The following TUBGCP4 variants were observed in gnomAD, a reference collection of about 807,000 sequenced individuals.
TUBGCP4 encodes tubulin gamma complex component 4, also known as gamma-tubulin complex component 4.
Under a neutral mutation model 91.6 loss-of-function variants are expected in TUBGCP4, and 54 were observed. That is an observed-to-expected ratio of 0.59 (90% CI 0.47 to 0.74). The LOEUF (loss-of-function observed/expected upper bound fraction) is 0.74, where lower values mean the gene tolerates loss of function less well. Among genes scored for constraint, TUBGCP4 ranks in the 30% least tolerant of loss-of-function variants. The pLI is 0.00. For missense variants in TUBGCP4, 593 were observed against 800.9 expected, an observed-to-expected ratio of 0.74 and a Z score of 3.13; for synonymous variants, 297 against 302.8, an observed-to-expected ratio of 0.98 and a Z score of 0.20.
At chr15:43,377,526 C>G (rs893380555) in intron 4 of TUBGCP4, 1 of 299,494 alleles carries the variant, frequency 3.3e-6, no homozygotes, top group South Asian at 4.5e-5. Flanking sequence ...GGGAGGCTAA[C>G]GTTCTGAATC....
At chr15:43,381,735 A>G (rs962046009) in intron 6 of TUBGCP4, among the ~76,000 whole-genome samples, 1 of 152,146 alleles carries the variant, frequency 6.6e-6, no homozygotes, top group Non-Finnish European at 1.5e-5. Context: ...CTGTCTCAAA[A>G]CAAAAAACAA....
chr15:43,384,874 G>T (rs1167679986), intron 7 of TUBGCP4, among the ~76,000 whole-genome samples: 1 of 152,174 alleles, frequency 6.6e-6, no homozygotes, highest in Non-Finnish European at 1.5e-5. Flanking sequence ...GGAGACTTAG[G>T]TGAAAATAAT....
chr15:43,381,386 C>G (rs1216834530), intron 6 of TUBGCP4, among the ~76,000 whole-genome samples: 1 of 151,954 alleles, frequency 6.6e-6, no homozygotes, highest in South Asian at 2.1e-4. Flanking sequence ...CTTTTTCTCC[C>G]AACCTTTTAT....
At chr15:43,372,329 T>A (rs1314176901) in intron 1 of TUBGCP4, among the ~76,000 whole-genome samples, 1 of 152,190 alleles carries the variant, frequency 6.6e-6, no homozygotes, top group Non-Finnish European at 1.5e-5. Flanking sequence ...AAAAGTACAT[T>A]CTTAGTCTAT....
In TUBGCP4 at chr15:43,408,002, A is replaced by C; in HGVS notation, c.*2788A>C. ...AGAGGCTGCACCACCAGTCATGAGG[A>C]TCTCAGACCAGAGCTCCAGGAAGTT... On this transcript the variant is annotated 3_prime_UTR_variant, in exon 18 of 18. Coordinates refer to ENST00000564079, the MANE Select transcript of TUBGCP4 (RefSeq NM_014444.5). 6.2e-7 allele frequency: 1 copy of C among 1,614,106 alleles called. No individual in the cohort carries two copies. Among genetic ancestry groups the C allele is most frequent in the Non-Finnish European group, 8.5e-7 (1 of 1,180,014 alleles).
chr15:43,408,930 C>G lies in TUBGCP4; in HGVS notation c.*3716C>G. On this transcript the variant is annotated 3_prime_UTR_variant, in exon 18 of 18. Coordinates refer to ENST00000564079, the MANE Select transcript of TUBGCP4 (RefSeq NM_014444.5). The stretch of plus-strand genomic sequence containing the variant: ...AATTCTTTGCTCCTCAAGGCTGTAC[C>G]CAGCTGGCAACAGATAATTACGGTA... 1 of 1,614,106 alleles carries G rather than the reference C, an allele frequency of 6.2e-7. No individual in the cohort carries two copies. The highest frequency in any genetic ancestry group is 8.5e-7 in the Non-Finnish European group (1 of 1,180,020).
intron 13 of TUBGCP4, among the ~76,000 whole-genome samples, chr15:43,399,603 C>G (rs1244331303): frequency 6.6e-6 from 1 of 152,220 alleles, no homozygotes; most frequent in East Asian, 1.9e-4. Context: ...GCCTTGGCCT[C>G]CCAAAGTGCC....
chr15:43,395,395 C>A, intron 10 of TUBGCP4, 188 bp from the exon 11 acceptor site: 1 of 666,380 alleles, frequency 1.5e-6, no homozygotes, highest in Non-Finnish European at 2.7e-6. Context: ...TAAATAATGC[C>A]AAATACACAC....
chr15:43,390,996 T>C (rs1391368884), intron 9 of TUBGCP4, among the ~76,000 whole-genome samples: 1 of 151,818 alleles, frequency 6.6e-6, no homozygotes, highest in African/African-American at 2.4e-5. Context: ...TTTTCTTTTT[T>C]TTTTCTTTTC....
rs1001114097 is a variant in TUBGCP4 at position 43,406,420 on chromosome 15, G to A, written c.*1206G>A. 5.8e-5 allele frequency: 20 copies of A among 346,346 alleles called. No homozygotes were observed. The highest frequency in any genetic ancestry group is 3.9e-4 in the African/African-American group (18 of 46,504). 21.5% of individuals were successfully genotyped at this position (346,346 alleles called of 1,614,324 possible). On this transcript the variant is annotated 3_prime_UTR_variant, in exon 18 of 18. Transcript: ENST00000564079. ...CACCCTTTCTACTGCTGTCTCTGGAGCAGGAGCTGGCAAACTATGGCCTGC... is the reference window on the plus strand; with the variant it reads ...CACCCTTTCTACTGCTGTCTCTGGAACAGGAGCTGGCAAACTATGGCCTGC...
At chr15:43,377,683 C>T (rs991615122) in intron 4 of TUBGCP4, 164 bp from the exon 5 acceptor site, 19 of 578,960 alleles carry the variant, frequency 3.3e-5, no homozygotes, top group East Asian at 6.6e-5. Context: ...CTATCTGCAG[C>T]GAACCTCCAC....
intron 5 of TUBGCP4, among the ~76,000 whole-genome samples, chr15:43,379,087 C>G (rs1459395649): frequency 6.6e-6 from 1 of 152,178 alleles, no homozygotes; most frequent in Admixed American, 6.5e-5. Flanking sequence ...GAATCTTCCT[C>G]CCTGCCAGAA....
intron 15 of TUBGCP4, chr15:43,402,885 T>A (rs2244746): frequency 0.47 from 70,882 of 152,094 alleles, 20,245 homozygotes; most frequent in African/African-American, 0.81. Context: ...ACAGACTTTT[T>A]AAAAATGTTC....
At chr15:43,404,085 C>T (rs148808767) in intron 16 of TUBGCP4, 8,500 of 522,162 alleles carry the variant, frequency 0.016, 91 homozygotes, top group Admixed American at 0.023. Flanking sequence ...TCCTTACTTC[C>T]TTGAACTAAC....
intron 9 of TUBGCP4, chr15:43,391,722 C>G (rs1042665886): frequency 1.3e-5 from 2 of 152,178 alleles, no homozygotes; most frequent in African/African-American, 4.8e-5. Flanking sequence ...ACTGCGCCCA[C>G]CAGGCTTTTT....
chr15:43,399,259 C>T, intron 13 of TUBGCP4: 1 of 722,166 alleles, frequency 1.4e-6, no homozygotes, highest in Non-Finnish European at 1.8e-6. Flanking sequence ...GCAGTTAGCA[C>T]CTGAACTTGC....
In TUBGCP4 at chr15:43,398,186, A is replaced by G. The variant is rs2044613374; in HGVS notation, c.1418+7A>G. ...CCCCAGCTGTCCTGGAAAAGTGAGT[A>G]TTTCTGAGTTTCTCACAGGTAAATA... On this transcript the variant is annotated splice_region_variant and intron_variant, in intron 13 of 17. Transcript: ENST00000564079. The G allele has an allele frequency of 6.2e-7, 1 of 1,607,626 alleles. No homozygotes were observed. The highest frequency in any genetic ancestry group is 1.7e-5 in the Admixed American group (1 of 58,948).
chr15:43,378,678 A>G (rs2044242393), intron 5 of TUBGCP4, among the ~76,000 whole-genome samples: 1 of 152,230 alleles, frequency 6.6e-6, no homozygotes, highest in South Asian at 2.1e-4. Context: ...GTGCCAGCAA[A>G]GCCAGTGGTG....
At position 43,405,391 on chromosome 15, in the gene TUBGCP4, C is replaced by T. The variant is rs534520937; in HGVS notation, c.*177C>T. 1.0e-4 allele frequency: 69 copies of T among 666,828 alleles called. No individual in the cohort carries two copies. The African/African-American group carries it at 1.2e-3, about 11-fold the overall frequency. 41.3% of individuals were successfully genotyped at this position (666,828 alleles called of 1,614,324 possible). ...AGGAGTACAACTCCTTCCCATCATT[C>T]CCATGTGGAAGGGTCTCTCCCATCA... On this transcript the variant is annotated 3_prime_UTR_variant, in exon 18 of 18. Coordinates refer to ENST00000564079, the MANE Select transcript of TUBGCP4 (RefSeq NM_014444.5).
Sources: gnomAD v4.1 joint callset for allele counts (sites outside exome capture counted in the v4.1 genomes callset) on GRCh38, gnomAD v4.1.1 for gene constraint, MANE v1.5 for transcripts, NCBI Gene and HGNC (gene_info 2026-07-23, HGNC 2026-07-21) for gene names.